The following PCDH15 variants were observed in gnomAD, a reference collection of about 807,000 sequenced individuals.
The protein encoded by PCDH15 is protocadherin-15.
PCDH15 carries 129 observed loss-of-function variants against 178.5 expected under a neutral mutation model. That is an observed-to-expected ratio of 0.72 (90% CI 0.63 to 0.84). The LOEUF (loss-of-function observed/expected upper bound fraction) is 0.84. PCDH15 is among the 40% of genes least tolerant of loss of function. The pLI is 0.00. For missense variants in PCDH15, 2,230 were observed against 2,099.9 expected, an observed-to-expected ratio of 1.06 and a Z score of -1.21; for synonymous variants, 800 against 732.0, an observed-to-expected ratio of 1.09 and a Z score of -1.50.
intron 23 of PCDH15, among the ~76,000 whole-genome samples, chr10:53,942,808 C>A (rs1168525745): frequency 6.6e-6 from 1 of 152,124 alleles, no homozygotes; most frequent in African/African-American, 2.4e-5. Context: ...ACACAGCTAA[C>A]CCATGCCTGG....
At chr10:54,853,934 G>A (rs1953689127) in intron 3 of PCDH15, among the ~76,000 whole-genome samples, 1 of 152,128 alleles carries the variant, frequency 6.6e-6, no homozygotes, top group African/African-American at 2.4e-5. Context: ...CCCAAGTTTT[G>A]CTCAGGCCCG....
intron 2 of PCDH15, among the ~76,000 whole-genome samples, chr10:55,588,965 C>T (rs1842781374): frequency 6.6e-6 from 1 of 151,360 alleles, no homozygotes; most frequent in Non-Finnish European, 1.5e-5. Flanking sequence ...CCTGTAATCC[C>T]AGCTACTCGG....
intron 13 of PCDH15, among the ~76,000 whole-genome samples, chr10:54,165,425 G>A (rs1396240356): frequency 1.3e-5 from 2 of 152,090 alleles, no homozygotes; most frequent in African/African-American, 4.8e-5. Context: ...AAAAAGGCAA[G>A]AAATAAAACA....
At chr10:55,565,869 C>T (rs1384486137) in intron 2 of PCDH15, among the ~76,000 whole-genome samples, 1 of 151,484 alleles carries the variant, frequency 6.6e-6, no homozygotes, top group Non-Finnish European at 1.5e-5. Flanking sequence ...CAACAAAAGC[C>T]CTGGACCTGA....
intron 2 of PCDH15, among the ~76,000 whole-genome samples, chr10:55,349,362 C>T (rs1441404462): frequency 6.6e-6 from 1 of 152,060 alleles, no homozygotes; most frequent in Non-Finnish European, 1.5e-5. Flanking sequence ...GAATAGTTTT[C>T]ATGTATTTTT....
At chr10:55,414,302 A>T (rs1263783288) in intron 2 of PCDH15, among the ~76,000 whole-genome samples, 2 of 151,562 alleles carry the variant, frequency 1.3e-5, no homozygotes, top group Admixed American at 1.3e-4. Flanking sequence ...TGGTATACTC[A>T]TACATTACTG....
rs748767590 is a variant in PCDH15, at chr10:53,806,953, C to T, written c.4849G>A (p.Ala1617Thr). The change falls in exon 38 of 38, where the codon GCC becomes ACC. Residue 1617 changes from alanine (A) to threonine (T), a missense_variant. Physicochemically the swap from Ala to Thr is moderately conservative, Grantham distance 58 (BLOSUM62 0). Coordinates refer to ENST00000644397, the MANE Select transcript of PCDH15 (RefSeq NM_001384140.1). Reference protein sequence around the residue: ...QNGSVVRTRRACLTDNLKVAS... With the variant: ...QNGSVVRTRRTCLTDNLKVAS... ...ACTTTTAAGTTGTCCGTGAGGCAGG[C>T]ACGGCGGGTTCTCACCACAGAACCA... The T allele has an allele frequency of 8.1e-6, 13 of 1,613,696 alleles. No homozygotes were observed. The South Asian group carries it at 1.2e-4, about 15-fold the overall frequency.
chr10:54,441,868 A>G (rs1317937225), intron 3 of PCDH15, among the ~76,000 whole-genome samples: 1 of 151,796 alleles, frequency 6.6e-6, no homozygotes, highest in African/African-American at 2.4e-5. Flanking sequence ...GTAACAGAAG[A>G]AGTTTAATTG....
Position 53,888,827 on chromosome 10 carries a change from A to T in PCDH15, c.3501+14416T>A, listed in dbSNP as rs1304665764. The stretch of plus-strand genomic sequence containing the variant: ...AAGCAGAAGACTTACACTATCAGAT[A>T]TTATAAAACTATAGTAATTCAGATA... On this transcript the variant is annotated intron_variant, in intron 26 of 37. Coordinates refer to ENST00000644397, the MANE Select transcript of PCDH15 (RefSeq NM_001384140.1). Among the ~76,000 whole-genome samples, 4 of 149,976 alleles carry T rather than the reference A, an allele frequency of 2.7e-5. No individual in the cohort carries two copies. The South Asian group carries it at 8.4e-4, about 31-fold the overall frequency.
chr10:54,867,397 C>T (rs1203387796), intron 3 of PCDH15, among the ~76,000 whole-genome samples: 1 of 152,120 alleles, frequency 6.6e-6, no homozygotes, highest in Non-Finnish European at 1.5e-5. Flanking sequence ...GCAATAAATG[C>T]ATCCTAATTC....
At chr10:54,805,105 C>T (rs923833598), upstream of PCDH15, among the ~76,000 whole-genome samples, 2 of 150,670 alleles carry the variant, frequency 1.3e-5, no homozygotes, top group East Asian at 2.0e-4. Flanking sequence ...TTCAAAGTAT[C>T]GGGTTAAATA....
intron 2 of PCDH15, among the ~76,000 whole-genome samples, chr10:55,040,595 A>T (rs1407038726): frequency 6.6e-6 from 1 of 152,162 alleles, no homozygotes; most frequent in Non-Finnish European, 1.5e-5. Flanking sequence ...CTTTTTCCAT[A>T]GGGAAGACTG....
chr10:55,016,392 T>C (rs1840180316), intron 2 of PCDH15, among the ~76,000 whole-genome samples: 1 of 128,396 alleles, frequency 7.8e-6, no homozygotes, highest in South Asian at 2.8e-4. Context: ...AACCATCCAC[T>C]CTTCCCTAGA....
intron 2 of PCDH15, among the ~76,000 whole-genome samples, chr10:55,528,579 G>A (rs182518291): frequency 7.2e-4 from 110 of 152,238 alleles, no homozygotes; most frequent in African/African-American, 2.2e-3. Context: ...TGGCTGCATA[G>A]TATTCCATGG....
chr10:54,220,905 A>G (rs2052733822), intron 9 of PCDH15, among the ~76,000 whole-genome samples: 1 of 152,040 alleles, frequency 6.6e-6, no homozygotes. Flanking sequence ...ACAAAGAGTA[A>G]AACCAAGTGA....
At chr10:54,642,429 C>T (rs1016955435) in intron 2 of PCDH15, among the ~76,000 whole-genome samples, 1 of 152,170 alleles carries the variant, frequency 6.6e-6, no homozygotes. Flanking sequence ...ACCTCGCTTA[C>T]TTCTGGTCAT....
At chr10:54,493,348 G>A (rs191166956) in intron 3 of PCDH15, among the ~76,000 whole-genome samples, 21 of 152,074 alleles carry the variant, frequency 1.4e-4, no homozygotes, top group African/African-American at 4.1e-4. Context: ...GATAGATTAT[G>A]GTGCCTCCTA....
At chr10:54,327,506 C>A (rs1342300) in intron 7 of PCDH15, among the ~76,000 whole-genome samples, 105,157 of 150,328 alleles carry the variant, frequency 0.7, 37,508 homozygotes, top group Middle Eastern at 0.81. Flanking sequence ...ATAAAAGCTT[C>A]CAAACTTAGC....
chr10:54,060,882 C>T (rs945529609), intron 18 of PCDH15, among the ~76,000 whole-genome samples: 8 of 151,904 alleles, frequency 5.3e-5, no homozygotes, highest in Admixed American at 5.2e-4. Context: ...TCCGGGATCC[C>T]TGTGTGGTGA....
Sources: gnomAD v4.1 joint callset for allele counts (sites outside exome capture counted in the v4.1 genomes callset) on GRCh38, gnomAD v4.1.1 for gene constraint, MANE v1.5 for transcripts, NCBI Gene and HGNC (gene_info 2026-07-23, HGNC 2026-07-21) for gene names.